The following ARMH3 variants were observed in gnomAD, a reference collection of about 807,000 sequenced individuals.
ARMH3 encodes the protein armadillo like helical domain containing 3, also known as armadillo-like helical domain-containing protein 3.
In ARMH3, 60 loss-of-function variants were observed where a neutral mutation model predicts 99.1. That is an observed-to-expected ratio of 0.61 (90% CI 0.49 to 0.75). The LOEUF is 0.75. Ranked by LOEUF, ARMH3 falls within the 30% of genes least tolerant of loss-of-function variation. ARMH3 has a pLI of 0.00. For synonymous variants in ARMH3, 285 were observed against 292.8 expected (o/e 0.97, Z 0.27); for missense variants, 679 against 843.1 (o/e 0.81, Z 2.41).
At chr10:101,892,354 A>G (rs1253892685) in intron 23 of ARMH3, among the ~76,000 whole-genome samples, 1 of 150,926 alleles carries the variant, frequency 6.6e-6, no homozygotes, top group Non-Finnish European at 1.5e-5. Flanking sequence ...AGCTACTTGG[A>G]AGGCTGAAGT....
intron 19 of ARMH3, among the ~76,000 whole-genome samples, chr10:101,984,240 C>T (rs562301030): frequency 6.6e-6 from 1 of 152,294 alleles, no homozygotes; most frequent in African/African-American, 2.4e-5. Flanking sequence ...CAATATAAAT[C>T]ATCCTAATTG....
At chr10:102,021,205 T>C (rs1349507142) in intron 8 of ARMH3, among the ~76,000 whole-genome samples, 1 of 151,346 alleles carries the variant, frequency 6.6e-6, no homozygotes, top group East Asian at 1.9e-4. Context: ...GCCTCCTGAG[T>C]AGCTGAGACT....
At chr10:101,927,540 C>T (rs768678135) in intron 23 of ARMH3, among the ~76,000 whole-genome samples, 1 of 152,246 alleles carries the variant, frequency 6.6e-6, no homozygotes, top group Non-Finnish European at 1.5e-5. Context: ...TACCACTAGA[C>T]ATCAGGAAGC....
intron 23 of ARMH3, among the ~76,000 whole-genome samples, chr10:101,931,370 A>G (rs1843714794): frequency 6.6e-6 from 1 of 152,152 alleles, no homozygotes; most frequent in Non-Finnish European, 1.5e-5. Context: ...TAAAAATACA[A>G]AAAAATTAGG....
At chr10:101,889,513 A>G (rs1457934576) in intron 23 of ARMH3, 23 bp from the exon 24 acceptor site, 1 of 1,583,924 alleles carries the variant, frequency 6.3e-7, no homozygotes, top group Non-Finnish European at 8.7e-7. Flanking sequence ...ATTCGTATTA[A>G]TATGGTGCCA....
chr10:102,013,913 G>C, intron 9 of ARMH3, 55 bp downstream of exon 9: 1 of 1,403,302 alleles, frequency 7.1e-7, no homozygotes, highest in Non-Finnish European at 9.9e-7. Flanking sequence ...TTCACTGAAA[G>C]TAATACCATT....
chr10:101,975,452 C>A, intron 19 of ARMH3, 152 bp from the exon 20 acceptor site: 1 of 494,280 alleles, frequency 2.0e-6, no homozygotes, highest in Non-Finnish European at 3.7e-6. Context: ...AACTTCTGGC[C>A]GGGCATGGTG....
chr10:101,860,491 G>A (rs557362245), intron 24 of ARMH3, among the ~76,000 whole-genome samples: 2 of 152,176 alleles, frequency 1.3e-5, no homozygotes, highest in Admixed American at 6.5e-5. Flanking sequence ...TGAAGGTCCT[G>A]CCAAGCTAAG....
intron 20 of ARMH3, among the ~76,000 whole-genome samples, chr10:101,967,784 C>G (rs1845602342): frequency 6.6e-6 from 1 of 152,138 alleles, no homozygotes; most frequent in East Asian, 1.9e-4. Context: ...TTTCAGAATA[C>G]AGGCATCTGT....
At chr10:101,893,107 G>A (rs116423741) in intron 23 of ARMH3, among the ~76,000 whole-genome samples, 58 of 152,306 alleles carry the variant, frequency 3.8e-4, no homozygotes, top group African/African-American at 1.3e-3. Flanking sequence ...TAAACCCAAT[G>A]AGAAGGTAGG....
At chr10:101,897,846 G>A (rs1457828801) in intron 23 of ARMH3, among the ~76,000 whole-genome samples, 2 of 152,184 alleles carry the variant, frequency 1.3e-5, no homozygotes, top group Admixed American at 1.3e-4. Context: ...GAAGATAGAG[G>A]TCACTTATAC....
At chr10:102,054,565 T>C (rs553148304) in intron 1 of ARMH3, among the ~76,000 whole-genome samples, 4 of 152,316 alleles carry the variant, frequency 2.6e-5, no homozygotes, top group African/African-American at 4.8e-5. Context: ...ACAGAAGCTA[T>C]TGTGCACACA....
At chr10:102,024,419 C>G (rs893917190) in intron 6 of ARMH3, among the ~76,000 whole-genome samples, 1 of 151,104 alleles carries the variant, frequency 6.6e-6, no homozygotes, top group Non-Finnish European at 1.5e-5. Context: ...ATTGCACTCT[C>G]CAGCCTAGGC....
At chr10:101,897,673 T>C (rs1007443063) in intron 23 of ARMH3, among the ~76,000 whole-genome samples, 1 of 152,104 alleles carries the variant, frequency 6.6e-6, no homozygotes, top group African/African-American at 2.4e-5. Flanking sequence ...CTAAAGCCAC[T>C]GAATTAGAAA....
At position 102,029,755 on chromosome 10, in the gene ARMH3, T is replaced by G; in HGVS notation, c.307-10A>C. The G allele has an allele frequency of 1.2e-6, 2 of 1,606,796 alleles. No individual in the cohort carries two copies. Among genetic ancestry groups the G allele is most frequent in the Middle Eastern group, 1.7e-4 (1 of 6,044 alleles). On this transcript the variant is annotated splice_polypyrimidine_tract_variant and intron_variant, in intron 4 of 25. Transcript: ENST00000370033. Reference sequence around the variant, plus strand: ...TGAGTGCGCACAGGGTCTGCAGAAATGAGAGAAAGAATTCTTTCTGGAGAG... The same window carrying G: ...TGAGTGCGCACAGGGTCTGCAGAAAGGAGAGAAAGAATTCTTTCTGGAGAG...
chr10:101,975,049 T>TAAAAAAAAAAAAAAAAAAAAAAAAAAACA (rs11399489), intron 20 of ARMH3, among the ~76,000 whole-genome samples, 163 bp downstream of exon 20: 1 of 29,668 alleles, frequency 3.4e-5, no homozygotes, highest in African/African-American at 1.4e-4. Context: ...AGCTAAAACG[T>TAAAAAAAAAAAAAAAAAAAAAAAAAAACA]AAAAAAAAAA....
intron 20 of ARMH3, among the ~76,000 whole-genome samples, chr10:101,970,784 C>T (rs540727178): frequency 7.9e-5 from 12 of 152,056 alleles, no homozygotes; most frequent in Admixed American, 5.2e-4. Flanking sequence ...ATGATTGTGC[C>T]GCTGCACTCC....
At chr10:101,975,131 CA>C in intron 20 of ARMH3, 80 bp downstream of exon 20, 2 of 724,602 alleles carry the variant, frequency 2.8e-6, no homozygotes, top group Non-Finnish European at 3.6e-6. Context: ...GGTTAAAAAA[CA>C]AAAAATCCAC....
At position 101,939,848 on chromosome 10, in the gene ARMH3, C is replaced by A. The variant is rs1312365953; in HGVS notation, c.1781+15G>T. The A allele has an allele frequency of 6.2e-7, 1 of 1,610,152 alleles. No individual in the cohort carries two copies. The highest frequency in any genetic ancestry group is 8.5e-7 in the Non-Finnish European group (1 of 1,177,468). The stretch of plus-strand genomic sequence containing the variant: ...GAGCCAAGGAACTCTGCAAGAGATA[C>A]TTCTCATTCCTTACCTGATATTAAC... On this transcript the variant is annotated intron_variant, in intron 23 of 25. Coordinates refer to ENST00000370033, the MANE Select transcript of ARMH3 (RefSeq NM_024541.3).
Sources: allele counts gnomAD v4.1 joint callset (sites outside exome capture counted in the v4.1 genomes callset), GRCh38; gene constraint gnomAD v4.1.1; transcripts MANE v1.5; gene names NCBI Gene and HGNC (gene_info 2026-07-23, HGNC 2026-07-21).